Variants in KANSL1 observed in about 807,000 individuals in gnomAD.
KANSL1 encodes KAT8 regulatory NSL complex subunit 1.
A neutral mutation model predicts 103.6 loss-of-function variants in KANSL1; 22 were observed. That is an observed-to-expected ratio of 0.21 (90% CI 0.15 to 0.30). The LOEUF is 0.30. KANSL1 is among the 10% of genes least tolerant of loss of function. The pLI, the probability that KANSL1 is intolerant of heterozygous loss-of-function variation, is 1.00. For synonymous variants in KANSL1, 600 were observed against 527.6 expected (o/e 1.14, Z -1.88); for missense variants, 1,337 against 1,399.8 (o/e 0.96, Z 0.72).
At chr17:46,066,157 C>T (rs895181684) in intron 6 of KANSL1, among the ~76,000 whole-genome samples, 3 of 152,148 alleles carry the variant, frequency 2.0e-5, no homozygotes, top group African/African-American at 7.2e-5. Flanking sequence ...TGCACATGGC[C>T]AAGATTCTTT....
intron 2 of KANSL1, among the ~76,000 whole-genome samples, chr17:46,096,763 C>T (rs183633141): frequency 6.6e-6 from 1 of 152,108 alleles, no homozygotes; most frequent in Non-Finnish European, 1.5e-5. Context: ...GGACTACAGG[C>T]GCCCACCACC....
At chr17:46,181,272 G>C (rs539108814) in intron 1 of KANSL1, among the ~76,000 whole-genome samples, 1 of 152,132 alleles carries the variant, frequency 6.6e-6, no homozygotes, top group African/African-American at 2.4e-5. Flanking sequence ...TTTCAGGTTT[G>C]GTATGTCCTC....
chr17:46,065,251 G>A (rs888030869), intron 6 of KANSL1, among the ~76,000 whole-genome samples: 3 of 151,974 alleles, frequency 2.0e-5, no homozygotes, highest in African/African-American at 7.2e-5. Context: ...TTACAGGTAT[G>A]AGCCACTGTG....
upstream of KANSL1, among the ~76,000 whole-genome samples, chr17:46,195,103 C>T (rs2047561315): frequency 6.6e-6 from 1 of 152,212 alleles, no homozygotes; most frequent in African/African-American, 2.4e-5. Context: ...TACACACATA[C>T]ACACATAAAT....
intron 1 of KANSL1, among the ~76,000 whole-genome samples, chr17:46,187,653 G>C (rs973874599): frequency 6.6e-6 from 1 of 152,198 alleles, no homozygotes; most frequent in Non-Finnish European, 1.5e-5. Flanking sequence ...TTAACACTGT[G>C]GAAGCAGCTT....
chr17:46,136,510 G>A (rs958491834), intron 2 of KANSL1, among the ~76,000 whole-genome samples: 6 of 152,150 alleles, frequency 3.9e-5, no homozygotes, highest in Admixed American at 6.5e-5. Flanking sequence ...GTAGAAATTT[G>A]GCATAATCAG....
chr17:46,038,431 T>C (rs2077213285), intron 10 of KANSL1, 107 bp downstream of exon 10: 1 of 1,218,234 alleles, frequency 8.2e-7, no homozygotes, highest in East Asian at 2.5e-5. Flanking sequence ...TGAGATCCTA[T>C]AAATGCCCTG....
chr17:46,080,014 G>GGA (rs1043838141), intron 4 of KANSL1, among the ~76,000 whole-genome samples: 5 of 150,808 alleles, frequency 3.3e-5, no homozygotes, highest in Non-Finnish European at 7.4e-5. Context: ...AAGAGAGAGG[G>GGA]GAGAGAGAGA....
chr17:46,040,065 G>T, intron 7 of KANSL1, 181 bp from the exon 8 acceptor site: 1 of 509,138 alleles, frequency 2.0e-6, no homozygotes, highest in Non-Finnish European at 3.4e-6. Context: ...TTTGCAAGCA[G>T]GTCACTTTAG....
At position 46,066,589 on chromosome 17, in the gene KANSL1, C is replaced by T. The variant is rs780639063; in HGVS notation, c.1796G>A (p.Cys599Tyr). Residue 599 changes from cysteine to tyrosine, a missense_variant, in exon 6 of 15, where the codon TGT becomes TAT. By Grantham distance (194) the Cys-to-Tyr change is radical. Coordinates refer to ENST00000432791, the MANE Select transcript of KANSL1 (RefSeq NM_015443.4). ...VAARTRPVLS[C>Y]KKRRLVRPNS... ...GGGTCGAACAAGCCTCCGCTTCTTA[C>T]AGCTCAGTACAGGACGTGTCCGGGC... 6.2e-7 allele frequency: 1 copy of T among 1,613,768 alleles called. No homozygotes were observed. Among genetic ancestry groups the T allele is most frequent in the South Asian group, 1.1e-5 (1 of 91,018 alleles).
At chr17:46,122,621 A>C (rs2043330820) in intron 2 of KANSL1, among the ~76,000 whole-genome samples, 1 of 152,256 alleles carries the variant, frequency 6.6e-6, no homozygotes, top group South Asian at 2.1e-4. Context: ...GTTTTAAAAA[A>C]AAACAAATTC....
intron 2 of KANSL1, among the ~76,000 whole-genome samples, chr17:46,157,754 C>T (rs1195151168): frequency 6.6e-6 from 1 of 152,220 alleles, no homozygotes; most frequent in Non-Finnish European, 1.5e-5. Flanking sequence ...ATTTCATATA[C>T]AGTTGGGCAG....
chr17:46,060,927 C>G (rs978505758), intron 6 of KANSL1, among the ~76,000 whole-genome samples: 3 of 152,118 alleles, frequency 2.0e-5, no homozygotes, highest in Non-Finnish European at 2.9e-5. Context: ...AGCAATCCCC[C>G]CTATGACAAC....
intron 6 of KANSL1, among the ~76,000 whole-genome samples, chr17:46,053,608 A>AT (rs901734029): frequency 3.3e-5 from 5 of 151,860 alleles, no homozygotes; most frequent in African/African-American, 1.2e-4. Context: ...ATATTTTTGT[A>AT]TTTTTTTAGT....
Position 46,031,367 on chromosome 17 carries a change from C to A in KANSL1, c.*109G>T. ...GTAGGATCTAAATTCCTTAAGTTCACTAAAAACTGTGAAAATTTCCGGCAT... is the reference window on the plus strand; with the variant it reads ...GTAGGATCTAAATTCCTTAAGTTCAATAAAAACTGTGAAAATTTCCGGCAT... On this transcript the variant is annotated 3_prime_UTR_variant, in exon 15 of 15. Coordinates refer to ENST00000432791, the MANE Select transcript of KANSL1 (RefSeq NM_015443.4). 9.4e-7 allele frequency: 1 copy of A among 1,065,736 alleles called. No homozygotes were observed. Among genetic ancestry groups the A allele is most frequent in the Non-Finnish European group, 1.3e-6 (1 of 751,478 alleles). The allele number at this position is 1,065,736 out of a possible 1,614,324, so 66.0% of individuals were successfully genotyped here. A position where few individuals can be genotyped will look rare whatever the true frequency, so the allele number is the denominator to read the frequency against.
chr17:46,202,457 C>G (rs1450858163), intron 1 of KANSL1, among the ~76,000 whole-genome samples: 2 of 152,202 alleles, frequency 1.3e-5, no homozygotes, highest in East Asian at 1.9e-4. Flanking sequence ...TTGTAACAAA[C>G]AGCTCCAAAC....
At chr17:46,123,676 T>TC (rs1459211580) in intron 2 of KANSL1, among the ~76,000 whole-genome samples, 9 of 152,228 alleles carry the variant, frequency 5.9e-5, no homozygotes, top group Non-Finnish European at 1.2e-4. Flanking sequence ...CTAATCCTCT[T>TC]CAATTCCATG....
intron 1 of KANSL1, among the ~76,000 whole-genome samples, chr17:46,183,624 A>G (rs1180161919): frequency 6.6e-6 from 1 of 151,218 alleles, no homozygotes; most frequent in Admixed American, 6.6e-5. Flanking sequence ...AGAGAAGAAA[A>G]GGAGGGAAAG....
At chr17:46,042,019 T>C (rs887696119) in intron 7 of KANSL1, 1 of 151,950 alleles carries the variant, frequency 6.6e-6, no homozygotes, top group Non-Finnish European at 1.5e-5. Flanking sequence ...GCCATTCTCC[T>C]GCCTCAGCCT....
Sources: gnomAD v4.1 joint callset for allele counts (sites outside exome capture counted in the v4.1 genomes callset) on GRCh38, gnomAD v4.1.1 for gene constraint, MANE v1.5 for transcripts, NCBI Gene and HGNC (gene_info 2026-07-23, HGNC 2026-07-21) for gene names.